The following MDGA1 variants were observed in gnomAD, a reference collection of about 807,000 sequenced individuals.
MDGA1 encodes the protein MAM domain-containing glycosylphosphatidylinositol anchor protein 1.
Under a neutral mutation model 101.5 loss-of-function variants are expected in MDGA1, and 54 were observed. The observed-to-expected ratio is 0.53, with a 90% CI of 0.43 to 0.67. MDGA1 has a LOEUF of 0.67. Ranked by LOEUF, MDGA1 falls within the 30% of genes least tolerant of loss-of-function variation. The pLI, the probability that MDGA1 is intolerant of heterozygous loss-of-function variation, is 0.00. For missense variants in MDGA1, 1,083 were observed against 1,323.8 expected (o/e 0.82, Z 2.82); for synonymous variants, 533 against 558.3 (o/e 0.95, Z 0.64).
chr6:37,677,793 GGGAA>G (rs1762012191), intron 1 of MDGA1, among the ~76,000 whole-genome samples: 1 of 152,196 alleles, frequency 6.6e-6, no homozygotes, highest in African/African-American at 2.4e-5. Context: ...CAGAAAGGGA[GGGAA>G]GGAAGGACAG....
At chr6:37,690,655 T>G (rs1431698017) in intron 1 of MDGA1, among the ~76,000 whole-genome samples, 3 of 151,714 alleles carry the variant, frequency 2.0e-5, no homozygotes, top group Non-Finnish European at 4.4e-5. Flanking sequence ...AGTGTGCCTG[T>G]AGTCCTAGTT....
chr6:37,653,995 A>G (rs1322852681), intron 6 of MDGA1, among the ~76,000 whole-genome samples: 2 of 152,190 alleles, frequency 1.3e-5, no homozygotes, highest in Admixed American at 1.3e-4. Flanking sequence ...AATGTAGGTA[A>G]TCAATCCTAG....
rs1409159734 is a variant in MDGA1, at chr6:37,635,801, A to G, written c.*1567T>C. On this transcript the variant is annotated 3_prime_UTR_variant, in exon 17 of 17. Transcript: ENST00000434837. ...GAAAGGTGGAATTTCAGGCCATCGC[A>G]GGCAGCTTGAGACTACAGAACAGGG... The G allele has an allele frequency of 2.5e-6, 1 of 398,166 alleles. No homozygotes were observed. Among genetic ancestry groups the G allele is most frequent in the East Asian group, 3.6e-5 (1 of 28,094 alleles). 24.7% of individuals were successfully genotyped at this position (398,166 alleles called of 1,614,324 possible).
chr6:37,655,946 G>T lies in MDGA1; in HGVS notation c.383-50C>A. Reference sequence around the variant, plus strand: ...GTCAGGACTGGGTGACCCCAAGGTTGGGGGGCTCAGGCTCCTGGCAGCCCT... The same window carrying T: ...GTCAGGACTGGGTGACCCCAAGGTTTGGGGGCTCAGGCTCCTGGCAGCCCT... On this transcript the variant is annotated intron_variant, in intron 3 of 16. Transcript: ENST00000434837. The surrounding 1 kb of genome is among the most constrained non-coding windows in gnomAD (Gnocchi z 5.1). The T allele has an allele frequency of 6.7e-7, 1 of 1,498,730 alleles. No homozygotes were observed. The highest frequency in any genetic ancestry group is 2.4e-5 in the East Asian group (1 of 42,136). The allele number at this position is 1,498,730 out of a possible 1,614,324, so 92.8% of individuals were successfully genotyped here.
chr6:37,691,408 G>A (rs1440527312), intron 1 of MDGA1, among the ~76,000 whole-genome samples: 1 of 152,118 alleles, frequency 6.6e-6, no homozygotes, highest in Admixed American at 6.5e-5. Flanking sequence ...GAAAATGCCT[G>A]GTAAGTCATG....
chr6:37,655,446 G>T lies in MDGA1; in HGVS notation c.579+254C>A. ...CTGGGATGACCTGTCTGCCCCTAGG[G>T]GTGCCTTTTCCTAACTAGCAATGTT... On this transcript the variant is annotated intron_variant, in intron 4 of 16. Coordinates refer to ENST00000434837, the MANE Select transcript of MDGA1 (RefSeq NM_153487.4). This position sits in a 1 kb window ranked among gnomAD's most constrained non-coding sequence, Gnocchi z 5.1. 2.3e-6 allele frequency: 1 copy of T among 435,756 alleles called. No homozygotes were observed. The highest frequency in any genetic ancestry group is 4.1e-6 in the Non-Finnish European group (1 of 245,238). The allele number at this position is 435,756 out of a possible 1,614,324, so 27.0% of individuals were successfully genotyped here. A position where few individuals can be genotyped will look rare whatever the true frequency, so the allele number is the denominator to read the frequency against.
At position 37,652,499 on chromosome 6, in the gene MDGA1, G is replaced by T. The variant is rs1386683684; in HGVS notation, c.983-159C>A. On this transcript the variant is annotated intron_variant, in intron 6 of 16. Transcript: ENST00000434837. The surrounding 1 kb of genome is among the most constrained non-coding windows in gnomAD (Gnocchi z 4.3). ...TGAAACTATCACTTTTCTCTGCCTG[G>T]GAATTGTTTCATTTGTTCAGATGTG... is the stretch of plus-strand genomic sequence containing the variant. 2.6e-5 allele frequency among the ~76,000 whole-genome samples: 4 copies of T among 152,144 alleles called. No individual in the cohort carries two copies. Among genetic ancestry groups the T allele is most frequent in the Non-Finnish European group, 4.4e-5 (3 of 68,038 alleles).
At chr6:37,644,008 CCT>C in intron 13 of MDGA1, 65 bp from the exon 14 acceptor site, 1 of 1,590,434 alleles carries the variant, frequency 6.3e-7, no homozygotes, top group Non-Finnish European at 8.5e-7. Context: ...TACCTGATTC[CCT>C]CTCTGCCTAG....
At chr6:37,641,713 A>G (rs1764086279) in intron 14 of MDGA1, 1 of 152,230 alleles carries the variant, frequency 6.6e-6, no homozygotes, top group Non-Finnish European at 1.5e-5. Context: ...ATGGGAGTAA[A>G]CCCAAATGAA....
At chr6:37,677,541 A>C (rs1561859450) in intron 1 of MDGA1, among the ~76,000 whole-genome samples, 1 of 152,184 alleles carries the variant, frequency 6.6e-6, no homozygotes, top group Non-Finnish European at 1.5e-5. Context: ...AGTCAATAGC[A>C]GGAGACGTGT....
At chr6:37,669,108 A>T (rs1389480321) in intron 1 of MDGA1, among the ~76,000 whole-genome samples, 2 of 152,054 alleles carry the variant, frequency 1.3e-5, no homozygotes, top group East Asian at 3.9e-4. Context: ...GGCCTCCCAA[A>T]GTGCTGGGAT....
intron 1 of MDGA1, among the ~76,000 whole-genome samples, chr6:37,668,609 C>A (rs1312011862): frequency 1.3e-5 from 2 of 152,212 alleles, no homozygotes; most frequent in Non-Finnish European, 2.9e-5. Flanking sequence ...AGACATGACA[C>A]TGTTGAATCT....
rs967982393 is a variant in MDGA1 at position 37,634,156 on chromosome 6, T to A, written c.*3212A>T. 2 of 152,702 alleles carry A rather than the reference T, an allele frequency of 1.3e-5. No homozygotes were observed. The highest frequency in any genetic ancestry group is 1.3e-4 in the Admixed American group (2 of 15,286). 9.5% of individuals were successfully genotyped at this position (152,702 alleles called of 1,614,324 possible). A position where few individuals can be genotyped will look rare whatever the true frequency, so the allele number is the denominator to read the frequency against. On this transcript the variant is annotated 3_prime_UTR_variant, in exon 17 of 17. Coordinates refer to ENST00000434837, the MANE Select transcript of MDGA1 (RefSeq NM_153487.4). The surrounding 1 kb of genome is among the most constrained non-coding windows in gnomAD (Gnocchi z 4.7). ...CAGGATAGCCCAGCTGAGACTTCCA[T>A]AAGCTGCTATACAGCACCTGGCCCC...
rs1561848029 is a variant in MDGA1, at chr6:37,655,888, C to T, written c.391G>A (p.Glu131Lys). ...SIRVDVQYLD[E>K]PMLTVHQTVS... ...GTCTGGTGCACCGTCAGCATTGGCT[C>T]ATCCAGGTCTGCAAGGGCACAGCCC... The change falls in exon 4 of 17, where the codon GAG (glutamate) becomes AAG (lysine). Residue 131 changes from glutamate to lysine, a missense_variant. Glu to Lys is a moderately conservative substitution (Grantham distance 56). Around this residue, in one of 3 missense-constraint regions of MDGA1, gnomAD observed 310 missense variants for 355.9 expected, o/e 0.87. Transcript: ENST00000434837. This position sits in a 1 kb window ranked among gnomAD's most constrained non-coding sequence, Gnocchi z 5.1. 2 of 1,612,112 alleles carry T rather than the reference C, an allele frequency of 1.2e-6. No homozygotes were observed. The highest frequency in any genetic ancestry group is 4.5e-5 in the East Asian group (2 of 44,850).
chr6:37,655,817 G>T lies in MDGA1; in HGVS notation c.462C>A (p.Phe154Leu). 1 of 1,613,734 alleles carries T rather than the reference G, an allele frequency of 6.2e-7. No homozygotes were observed. Among genetic ancestry groups the T allele is most frequent in the Non-Finnish European group, 8.5e-7 (1 of 1,179,794 alleles). The change falls in exon 4 of 17, where the codon TTC becomes TTA. Residue 154 changes from phenylalanine to leucine, a missense_variant. Phe to Leu is a conservative substitution (Grantham distance 22). Around this residue, in one of 3 missense-constraint regions of MDGA1, gnomAD observed 310 missense variants for 355.9 expected, o/e 0.87. Transcript: ENST00000434837. This position sits in a 1 kb window ranked among gnomAD's most constrained non-coding sequence, Gnocchi z 5.1. The part of the protein sequence containing the change: ...RGNFYQEKTV[F>L]LRCTVNSNPP... ...GGTTGGAGTTGACAGTACAGCGCAGGAACACCGTCTTCTCCTGGTAGAAGT... is the reference window on the plus strand; with the variant it reads ...GGTTGGAGTTGACAGTACAGCGCAGTAACACCGTCTTCTCCTGGTAGAAGT...
At position 37,634,073 on chromosome 6, in the gene MDGA1, G is replaced by A. The variant is rs1356012598; in HGVS notation, c.*3295C>T. On this transcript the variant is annotated 3_prime_UTR_variant, in exon 17 of 17. Transcript: ENST00000434837. The surrounding 1 kb of genome is among the most constrained non-coding windows in gnomAD (Gnocchi z 4.7). ...GGTGGAAGGAGCATTCCAGGAGGAG[G>A]GGGCTTGGTCTTCAGGCTTCACTCA... 3 of 152,996 alleles carry A rather than the reference G, an allele frequency of 2.0e-5. No homozygotes were observed. The highest frequency in any genetic ancestry group is 2.9e-5 in the Non-Finnish European group (2 of 68,374). The allele number at this position is 152,996 out of a possible 1,614,324, so 9.5% of individuals were successfully genotyped here.
intron 1 of MDGA1, among the ~76,000 whole-genome samples, chr6:37,685,133 C>A (rs1384300645): frequency 6.6e-6 from 1 of 152,096 alleles, no homozygotes; most frequent in Admixed American, 6.6e-5. Flanking sequence ...AAAATCTCGT[C>A]TCTACAAAAA....
intron 1 of MDGA1, among the ~76,000 whole-genome samples, chr6:37,690,051 A>G (rs7738649): frequency 0.26 from 39,704 of 152,032 alleles, 5,434 homozygotes; most frequent in East Asian, 0.39. Flanking sequence ...TGGACCTACT[A>G]ACTCTCTGGC....
chr6:37,696,728 G>C lies in MDGA1; in HGVS notation c.67+17C>G, dbSNP rs1762427459. On this transcript the variant is annotated intron_variant, in intron 1 of 16. Coordinates refer to ENST00000434837, the MANE Select transcript of MDGA1 (RefSeq NM_153487.4). The surrounding 1 kb of genome is among the most constrained non-coding windows in gnomAD (Gnocchi z 5.6). ...GCGCGAGGTTAAGCCAAGGTGGAGC[G>C]GGACGCGGGCTCTTACCGTAGACTC... 6.4e-7 allele frequency: 1 copy of C among 1,569,928 alleles called. No homozygotes were observed.
Sources: gnomAD v4.1 joint callset for allele counts (sites outside exome capture counted in the v4.1 genomes callset) on GRCh38, gnomAD v4.1.1 for gene constraint, gnomAD v4.1.1 regional missense constraint, Gnocchi (gnomAD v3.1) non-coding constraint, MANE v1.5 for transcripts, NCBI Gene and HGNC (gene_info 2026-07-23, HGNC 2026-07-21) for gene names.